The following SORCS1 variants were observed in gnomAD, a reference collection of about 807,000 sequenced individuals.
SORCS1 encodes the protein VPS10 domain-containing receptor SorCS1.
A neutral mutation model predicts 146.1 loss-of-function variants in SORCS1; 60 were observed. The observed-to-expected ratio is 0.41, with a 90% confidence interval of 0.33 to 0.51. The LOEUF is 0.51. Among genes scored for constraint, SORCS1 ranks in the 20% least tolerant of loss-of-function variants. The pLI is 0.21. For synonymous variants in SORCS1, 637 were observed against 584.0 expected, an observed-to-expected ratio of 1.09 and a Z score of -1.31; for missense variants, 1,352 against 1,487.6, an observed-to-expected ratio of 0.91 and a Z score of 1.50.
chr10:107,153,194 T>C (rs1180973393), intron 1 of SORCS1, among the ~76,000 whole-genome samples: 1 of 151,924 alleles, frequency 6.6e-6, no homozygotes, highest in African/African-American at 2.4e-5. Flanking sequence ...TTTCCATCTC[T>C]CCTTGTTCTG....
chr10:106,970,612 G>C (rs1955736050), intron 1 of SORCS1, among the ~76,000 whole-genome samples: 1 of 152,052 alleles, frequency 6.6e-6, no homozygotes, highest in Admixed American at 6.5e-5. Context: ...AAGGTGCTGG[G>C]ATTACAGGCA....
rs1434552403 is a variant in SORCS1, at chr10:106,575,191, T to C, written c.*2229A>G. The C allele has an allele frequency of 6.6e-6, 1 of 152,616 alleles. No homozygotes were observed. Among genetic ancestry groups the C allele is most frequent in the Non-Finnish European group, 1.5e-5 (1 of 68,034 alleles). 9.5% of individuals were successfully genotyped at this position (152,616 alleles called of 1,614,324 possible). On this transcript the variant is annotated 3_prime_UTR_variant, in exon 26 of 26. Transcript: ENST00000263054. ...ATCAATGAGGATGTTTCCTATGAGA[T>C]AGGAAGCCTGGCAGGTTGGGGATCA...
intron 1 of SORCS1, among the ~76,000 whole-genome samples, chr10:106,967,644 G>C (rs1339917063): frequency 1.3e-5 from 2 of 152,168 alleles, no homozygotes; most frequent in Non-Finnish European, 2.9e-5. Flanking sequence ...GCTGCAGTTG[G>C]AGGAAACCAC....
intron 22 of SORCS1, among the ~76,000 whole-genome samples, chr10:106,610,484 T>C (rs1382929622): frequency 6.6e-6 from 1 of 152,148 alleles, no homozygotes; most frequent in African/African-American, 2.4e-5. Flanking sequence ...ATATTTTAAG[T>C]GCTAACCAAA....
In SORCS1 at chr10:106,721,993, A is replaced by G. The variant is rs563305699; in HGVS notation, c.1024+8057T>C. 5.1e-4 allele frequency among the ~76,000 whole-genome samples: 77 copies of G among 152,212 alleles called. 1 individual carries two copies. Among genetic ancestry groups the G allele is most frequent in the Admixed American group, 3.4e-3 (52 of 15,280 alleles). On this transcript the variant is annotated intron_variant, in intron 6 of 25. Transcript: ENST00000263054. Reference sequence around the variant, plus strand: ...AGATTTTTAACTTATATTTGTATGCACAAACACTAAATTTGCCACAACAAT... The same window carrying G: ...AGATTTTTAACTTATATTTGTATGCGCAAACACTAAATTTGCCACAACAAT...
intron 1 of SORCS1, among the ~76,000 whole-genome samples, chr10:107,013,456 A>T (rs1292593920): frequency 6.6e-6 from 1 of 152,122 alleles, no homozygotes; most frequent in African/African-American, 2.4e-5. Flanking sequence ...GATAGCCAGC[A>T]GGAGACTCAC....
chr10:107,144,001 C>T (rs1334666521), intron 1 of SORCS1, among the ~76,000 whole-genome samples: 1 of 152,062 alleles, frequency 6.6e-6, no homozygotes, highest in Non-Finnish European at 1.5e-5. Flanking sequence ...AGCCTCATCT[C>T]CCATCCCATC....
At chr10:106,990,337 T>G (rs943395627) in intron 1 of SORCS1, among the ~76,000 whole-genome samples, 1 of 152,196 alleles carries the variant, frequency 6.6e-6, no homozygotes, top group Non-Finnish European at 1.5e-5. Flanking sequence ...TGACGTGATC[T>G]TGGCTCACTG....
At position 106,667,745 on chromosome 10, in the gene SORCS1, A is replaced by G. The variant is rs755240697; in HGVS notation, c.2247T>C (p.Asn749=). ...TGCAATCCTTTGACAGAGAGGATGG[A>G]TTGAACCAAAATGCCGGCAGGCACT... The part of the protein sequence containing the change: ...NGQCLPAFWF[N]PSSLSKDCSL... The change falls in exon 17 of 26, where the codon AAT becomes AAC. Residue 749 remains asparagine, a synonymous_variant. Coordinates refer to ENST00000263054, the MANE Select transcript of SORCS1 (RefSeq NM_052918.5). 4.3e-6 allele frequency: 7 copies of G among 1,614,154 alleles called. No individual in the cohort carries two copies. The highest frequency in any genetic ancestry group is 1.7e-5 in the Admixed American group (1 of 60,014).
At chr10:106,908,122 G>A (rs1030671249) in intron 2 of SORCS1, among the ~76,000 whole-genome samples, 31 of 152,190 alleles carry the variant, frequency 2.0e-4, no homozygotes, top group African/African-American at 7.0e-4. Flanking sequence ...TTATATGTAT[G>A]TATTTATATG....
chr10:106,749,341 G>A (rs1000231738), intron 5 of SORCS1, among the ~76,000 whole-genome samples: 3 of 152,044 alleles, frequency 2.0e-5, no homozygotes, highest in East Asian at 1.9e-4. Context: ...GAGACTGCCC[G>A]CCTTGTGACC....
intron 3 of SORCS1, among the ~76,000 whole-genome samples, chr10:106,798,912 G>A (rs539046102): frequency 4.3e-4 from 65 of 152,222 alleles, no homozygotes; most frequent in African/African-American, 1.3e-3. Context: ...AAAAGAGCCC[G>A]CATTGCCAAG....
intron 18 of SORCS1, among the ~76,000 whole-genome samples, chr10:106,638,820 A>C (rs1848880370): frequency 6.6e-6 from 1 of 152,146 alleles, no homozygotes; most frequent in African/African-American, 2.4e-5. Context: ...TAGAAGACCT[A>C]GTTTTGTGTC....
intron 1 of SORCS1, among the ~76,000 whole-genome samples, chr10:106,994,809 T>C (rs77375954): frequency 0.031 from 4,792 of 152,270 alleles, 265 homozygotes; most frequent in African/African-American, 0.11. Context: ...AATAACTCAT[T>C]GAGAGCAAAC....
chr10:106,854,338 T>C (rs955737124), intron 2 of SORCS1, among the ~76,000 whole-genome samples: 36 of 152,058 alleles, frequency 2.4e-4, no homozygotes, highest in Admixed American at 6.5e-5. Context: ...TTTGAATGTA[T>C]CTTTGTCTTT....
intron 17 of SORCS1, among the ~76,000 whole-genome samples, chr10:106,659,226 G>A (rs765683436): frequency 1.4e-4 from 22 of 152,172 alleles, no homozygotes; most frequent in Admixed American, 8.5e-4. Flanking sequence ...AGAAATTAGC[G>A]GATAGGCATA....
At chr10:106,982,255 CTG>C (rs1400665377) in intron 1 of SORCS1, among the ~76,000 whole-genome samples, 1 of 152,178 alleles carries the variant, frequency 6.6e-6, no homozygotes, top group African/African-American at 2.4e-5. Flanking sequence ...ATGATTTTCA[CTG>C]TGCTGACTTG....
chr10:106,783,512 G>A (rs528537463), intron 3 of SORCS1, among the ~76,000 whole-genome samples: 1 of 152,148 alleles, frequency 6.6e-6, no homozygotes, highest in Admixed American at 6.5e-5. Context: ...AAAAAAGAGA[G>A]GGAAAGAGAT....
At chr10:106,731,831 C>G (rs7913714) in intron 5 of SORCS1, among the ~76,000 whole-genome samples, 2,082 of 151,416 alleles carry the variant, frequency 0.014, 49 homozygotes, top group African/African-American at 0.049. Context: ...ATATAACAGA[C>G]AGTCAAATGT....
Sources: gnomAD v4.1 joint callset for allele counts (sites outside exome capture counted in the v4.1 genomes callset) on GRCh38, gnomAD v4.1.1 for gene constraint, MANE v1.5 for transcripts, NCBI Gene and HGNC (gene_info 2026-07-23, HGNC 2026-07-21) for gene names.